RXFP1: variants seen among roughly 807,000 people sequenced by gnomAD.
The protein encoded by RXFP1 is relaxin family peptide receptor 1.
RXFP1 carries 73 observed loss-of-function variants against 89.8 expected under a neutral mutation model. That is an observed-to-expected ratio of 0.81 (90% CI 0.67 to 0.99). The LOEUF (loss-of-function observed/expected upper bound fraction) is 0.99. Ranked by LOEUF, RXFP1 falls within the 50% of genes least tolerant of loss-of-function variation. The probability of loss-of-function intolerance (pLI) is 0.00; values close to 1 mark genes in which losing one functional copy is unlikely to be tolerated. For synonymous variants in RXFP1, 277 were observed against 305.5 expected, an observed-to-expected ratio of 0.91 and a Z score of 0.97; for missense variants, 793 against 895.5, an observed-to-expected ratio of 0.89 and a Z score of 1.46.
In RXFP1 at chr4:158,617,196, T is replaced by C; in HGVS notation, c.746T>C (p.Leu249Pro). Residue 249 changes from leucine to proline, a missense_variant, in exon 9 of 18, where the codon CTA becomes CCA. Coordinates refer to ENST00000307765, the MANE Select transcript of RXFP1 (RefSeq NM_021634.4). ...DKPLCQHMPRLHWLDLEGNHI... is the reference protein window; with the variant it reads ...DKPLCQHMPRPHWLDLEGNHI... ...CCTCTCTGTCAACACATGCCAAGAC[T>C]ACATTGGCTGTAAGCGATTCTGTCT... 6.2e-7 allele frequency: 1 copy of C among 1,606,482 alleles called. No individual in the cohort carries two copies. Among genetic ancestry groups the C allele is most frequent in the South Asian group, 1.1e-5 (1 of 90,254 alleles).
chr4:158,537,691 G>A (rs1337312695), intron 1 of RXFP1, among the ~76,000 whole-genome samples: 1 of 152,030 alleles, frequency 6.6e-6, no homozygotes, highest in Non-Finnish European at 1.5e-5. Flanking sequence ...ACCAATACAG[G>A]CATCAGAAAT....
chr4:158,570,431 T>G (rs754924335), intron 1 of RXFP1, among the ~76,000 whole-genome samples: 2 of 152,174 alleles, frequency 1.3e-5, no homozygotes, highest in Admixed American at 6.5e-5. Flanking sequence ...AAATGAGCTA[T>G]CTTTATTCTT....
chr4:158,530,066 C>T (rs1313330374), intron 1 of RXFP1, among the ~76,000 whole-genome samples: 2 of 152,120 alleles, frequency 1.3e-5, no homozygotes, highest in East Asian at 1.9e-4. Context: ...AGTTATGACC[C>T]TGCAGTTTCC....
chr4:158,556,167 T>C (rs1751241312), intron 1 of RXFP1, among the ~76,000 whole-genome samples: 1 of 151,418 alleles, frequency 6.6e-6, no homozygotes, highest in African/African-American at 2.4e-5. Flanking sequence ...AGAAAATATT[T>C]GCAAACTGTA....
rs764159452 is a variant in RXFP1, at chr4:158,646,849, T to G, written c.1404T>G (p.Phe468Leu). 1.2e-6 allele frequency: 2 copies of G among 1,614,138 alleles called. No homozygotes were observed. The highest frequency in any genetic ancestry group is 1.7e-6 in the Non-Finnish European group (2 of 1,179,992). ...LFVIGGFDLK[F>L]RGEYNKHAQL... Reference sequence around the variant, plus strand: ...TGATCGGAGGCTTTGACCTAAAGTTTCGTGGAGAATACAATAAGCATGCGC... The same window carrying G: ...TGATCGGAGGCTTTGACCTAAAGTTGCGTGGAGAATACAATAAGCATGCGC... Residue 468 changes from phenylalanine (F) to leucine (L), a missense_variant, in exon 16 of 18, where the codon TTT becomes TTG. Phe to Leu is a conservative substitution (Grantham distance 22, BLOSUM62 0). Transcript: ENST00000307765.
chr4:158,611,917 AT>A (rs1203425921), intron 6 of RXFP1, among the ~76,000 whole-genome samples: 5 of 152,240 alleles, frequency 3.3e-5, no homozygotes, highest in Non-Finnish European at 7.3e-5. Context: ...ACATGAATAG[AT>A]GAATGAATAG....
rs950132120 is a variant in RXFP1 at position 158,627,113 on chromosome 4, G to T, written c.827+222G>T. 2.0e-5 allele frequency among the ~76,000 whole-genome samples: 3 copies of T among 151,432 alleles called. No individual in the cohort carries two copies. The East Asian group carries it at 5.8e-4, about 29-fold the overall frequency. ...TTTTCTTTACAATTGTGAAAAAATA[G>T]TTACAATCAAAATGAAAAACAAAAT... On this transcript the variant is annotated intron_variant, in intron 10 of 17. Coordinates refer to ENST00000307765, the MANE Select transcript of RXFP1 (RefSeq NM_021634.4).
rs563408712 is a variant in RXFP1 at position 158,548,611 on chromosome 4, G to T, written c.50-24087G>T. On this transcript the variant is annotated intron_variant, in intron 1 of 17. Transcript: ENST00000307765. ...TACTGGTTGTTCCTTTCCTTGTTTAGTGCTTCCTTCAGGAGCTCTTTTAGG... is the reference window on the plus strand; with the variant it reads ...TACTGGTTGTTCCTTTCCTTGTTTATTGCTTCCTTCAGGAGCTCTTTTAGG... Among the ~76,000 whole-genome samples the T allele has an allele frequency of 3.4e-3, 514 of 152,248 alleles. 1 individual carries two copies. The highest frequency in any genetic ancestry group is 0.012 in the African/African-American group (487 of 41,530).
chr4:158,589,343 A>G (rs1758935561), intron 2 of RXFP1, among the ~76,000 whole-genome samples: 1 of 152,188 alleles, frequency 6.6e-6, no homozygotes, highest in Non-Finnish European at 1.5e-5. Context: ...ACCTAAAGCT[A>G]TATTTCTACT....
intron 1 of RXFP1, among the ~76,000 whole-genome samples, chr4:158,541,890 G>T (rs1001761510): frequency 2.6e-5 from 4 of 151,030 alleles, no homozygotes; most frequent in Non-Finnish European, 5.9e-5. Context: ...TCCTTTATGC[G>T]GGGTGGCCGG....
At chr4:158,602,738 T>TAATG (rs1175061641) in intron 4 of RXFP1, among the ~76,000 whole-genome samples, 4 of 152,074 alleles carry the variant, frequency 2.6e-5, no homozygotes, top group East Asian at 1.9e-4. Flanking sequence ...TTTTTTGAGA[T>TAATG]AATGAATGAA....
chr4:158,646,285 A>G (rs925194570), intron 15 of RXFP1: 7 of 455,180 alleles, frequency 1.5e-5, no homozygotes, highest in Non-Finnish European at 3.1e-5. Context: ...ATAATTATAC[A>G]TATCTCTTAA....
chr4:158,598,129 C>T (rs1369615429), intron 3 of RXFP1, among the ~76,000 whole-genome samples: 3 of 152,126 alleles, frequency 2.0e-5, no homozygotes, highest in East Asian at 1.9e-4. Flanking sequence ...CTTGCTTGCT[C>T]TCTGCAAGTT....
chr4:158,599,145 G>A (rs1761196179), intron 3 of RXFP1, 181 bp from the exon 4 acceptor site: 1 of 869,346 alleles, frequency 1.2e-6, no homozygotes, highest in Non-Finnish European at 1.7e-6. Flanking sequence ...ATCATTTTAA[G>A]GTTAAATTAA....
At chr4:158,648,134 C>T (rs991576078) in intron 16 of RXFP1, among the ~76,000 whole-genome samples, 1 of 152,094 alleles carries the variant, frequency 6.6e-6, no homozygotes, top group Non-Finnish European at 1.5e-5. Flanking sequence ...TATGATTGTA[C>T]CACTGCACTT....
At chr4:158,646,061 G>A (rs1420945777) in intron 15 of RXFP1, among the ~76,000 whole-genome samples, 1 of 152,070 alleles carries the variant, frequency 6.6e-6, no homozygotes, top group Non-Finnish European at 1.5e-5. Flanking sequence ...GAATGCTTGT[G>A]CGATCCAAAA....
rs530214139 is a variant in RXFP1 at position 158,624,539 on chromosome 4, G to C, written c.756-2281G>C. Among the ~76,000 whole-genome samples, 9 of 152,168 alleles carry C rather than the reference G, an allele frequency of 5.9e-5. No homozygotes were observed. In the South Asian group the frequency reaches 1.9e-3, roughly 32 times the overall value. ...AAAAATAAAATGGTTAGTCTCAGAG[G>C]CTCATTAGATAGGAAGGGTGGTGGT... On this transcript the variant is annotated intron_variant, in intron 9 of 17. Transcript: ENST00000307765.
intron 2 of RXFP1, among the ~76,000 whole-genome samples, chr4:158,585,428 T>C (rs1758102734): frequency 6.6e-6 from 1 of 152,174 alleles, no homozygotes; most frequent in African/African-American, 2.4e-5. Flanking sequence ...AATCTCATCC[T>C]TTGTCCTCAT....
chr4:158,646,020 T>C (rs1444652114), intron 15 of RXFP1, among the ~76,000 whole-genome samples: 2 of 152,202 alleles, frequency 1.3e-5, no homozygotes, highest in African/African-American at 4.8e-5. Context: ...TTGTGATTTA[T>C]ACAGTGATGT....
Sources: allele counts gnomAD v4.1 joint callset (sites outside exome capture counted in the v4.1 genomes callset), GRCh38; gene constraint gnomAD v4.1.1; transcripts MANE v1.5; gene names NCBI Gene and HGNC (gene_info 2026-07-23, HGNC 2026-07-21).